MDGA2: variants seen among roughly 807,000 people sequenced by gnomAD.
The protein encoded by MDGA2 is MAM domain-containing glycosylphosphatidylinositol anchor protein 2.
In MDGA2, 40 loss-of-function variants were observed where a neutral mutation model predicts 117.8. The observed-to-expected ratio is 0.34, with a 90% CI of 0.26 to 0.44. The LOEUF is 0.44. Ranked by LOEUF, MDGA2 falls within the 20% of genes least tolerant of loss-of-function variation. The pLI is 1.00. For missense variants in MDGA2, 1,123 were observed against 1,250.6 expected (o/e 0.90, Z 1.54); for synonymous variants, 452 against 439.0 (o/e 1.03, Z -0.37).
At chr14:47,491,897 C>T (rs1253002211) in intron 1 of MDGA2, among the ~76,000 whole-genome samples, 1 of 152,002 alleles carries the variant, frequency 6.6e-6, no homozygotes, top group Non-Finnish European at 1.5e-5. Context: ...CATTTGACCA[C>T]AGTGTTGGGG....
intron 1 of MDGA2, among the ~76,000 whole-genome samples, chr14:47,318,810 G>GAAGGAAGGAAGGAAGC (rs138000463): frequency 0.47 from 70,739 of 149,776 alleles, 17,423 homozygotes; most frequent in Admixed American, 0.61. Flanking sequence ...AGGGAGGAAA[G>GAAGGAAGGAAGGAAGC]AAGGAAGGAA....
intron 1 of MDGA2, among the ~76,000 whole-genome samples, chr14:47,460,300 C>T (rs1566468152): frequency 6.6e-6 from 1 of 151,330 alleles, no homozygotes; most frequent in Non-Finnish European, 1.5e-5. Context: ...AACATGGATA[C>T]ACGAAGGAAA....
At chr14:47,630,248 A>G (rs1897231111) in intron 1 of MDGA2, among the ~76,000 whole-genome samples, 1 of 152,172 alleles carries the variant, frequency 6.6e-6, no homozygotes, top group Non-Finnish European at 1.5e-5. Flanking sequence ...ATATACCTCA[A>G]AAAGTTACAT....
chr14:46,864,795 C>T (rs946051186), intron 14 of MDGA2, among the ~76,000 whole-genome samples: 1 of 151,946 alleles, frequency 6.6e-6, no homozygotes, highest in South Asian at 2.1e-4. Context: ...GGTAGTTATT[C>T]CCTAATATCT....
At chr14:47,282,069 A>G (rs1432157609) in intron 2 of MDGA2, among the ~76,000 whole-genome samples, 1 of 149,204 alleles carries the variant, frequency 6.7e-6, no homozygotes, top group African/African-American at 2.5e-5. Flanking sequence ...AAAAAAAAAG[A>G]CACTTTCTTC....
Position 47,212,263 on chromosome 14 carries a change from G to C in MDGA2, c.595+5758C>G, listed in dbSNP as rs565329853. 9.2e-5 allele frequency among the ~76,000 whole-genome samples: 14 copies of C among 152,186 alleles called. No individual in the cohort carries two copies. In the South Asian group the frequency reaches 2.5e-3, roughly 27 times the overall value. ...TATTTGGTGTCGAATATAAAGGAAT[G>C]CCAATTCTTATGAATAAATAAAGTG... On this transcript the variant is annotated intron_variant, in intron 3 of 16. Coordinates refer to ENST00000399232, the MANE Select transcript of MDGA2 (RefSeq NM_001113498.3).
chr14:47,374,127 G>A (rs1203947871), intron 1 of MDGA2, among the ~76,000 whole-genome samples: 1 of 151,986 alleles, frequency 6.6e-6, no homozygotes, highest in Non-Finnish European at 1.5e-5. Context: ...TTGAAAATAG[G>A]TGTCAATAAT....
intron 16 of MDGA2, among the ~76,000 whole-genome samples, chr14:46,844,554 C>T (rs1042372469): frequency 2.0e-5 from 3 of 149,956 alleles, no homozygotes; most frequent in Non-Finnish European, 2.9e-5. Context: ...GCACTCCAGC[C>T]TGGGCAACAA....
intron 10 of MDGA2, among the ~76,000 whole-genome samples, chr14:46,905,470 T>C (rs986986240): frequency 6.6e-6 from 1 of 152,188 alleles, no homozygotes; most frequent in East Asian, 1.9e-4. Context: ...TCATACATAA[T>C]TGTTGATACC....
intron 2 of MDGA2, among the ~76,000 whole-genome samples, chr14:47,226,731 C>T (rs919126410): frequency 1.3e-5 from 2 of 151,992 alleles, no homozygotes; most frequent in Non-Finnish European, 2.9e-5. Context: ...TACTCTTGGG[C>T]CCCAAAACCA....
chr14:47,432,800 T>G (rs2138530321), intron 1 of MDGA2, among the ~76,000 whole-genome samples: 1 of 152,294 alleles, frequency 6.6e-6, no homozygotes. Flanking sequence ...GAAACTCTAG[T>G]TTGAAACAAT....
intron 1 of MDGA2, among the ~76,000 whole-genome samples, chr14:47,494,274 A>T (rs534477135): frequency 6.6e-6 from 1 of 152,330 alleles, no homozygotes; most frequent in Admixed American, 6.5e-5. Context: ...AACACATGAA[A>T]TTGAGTTTTA....
intron 1 of MDGA2, among the ~76,000 whole-genome samples, chr14:47,554,284 A>G (rs943704818): frequency 5.9e-5 from 9 of 152,176 alleles, no homozygotes. Flanking sequence ...ATGGATATGA[A>G]TTTTGCTGCT....
intron 1 of MDGA2, among the ~76,000 whole-genome samples, chr14:47,370,312 T>TA (rs5808391): frequency 1 from 144,124 of 144,820 alleles, 71,716 homozygotes; most frequent in South Asian, 1. Flanking sequence ...ATGCTTTGAA[T>TA]AAAAAAAAAA....
chr14:46,873,869 C>T (rs1245799607), intron 13 of MDGA2, 176 bp downstream of exon 13: 2 of 603,584 alleles, frequency 3.3e-6, no homozygotes, highest in Non-Finnish European at 5.1e-6. Flanking sequence ...TCAGTGAAGT[C>T]TGAGAAAAAA....
intron 3 of MDGA2, among the ~76,000 whole-genome samples, chr14:47,209,730 G>C (rs899295424): frequency 6.6e-6 from 1 of 152,120 alleles, no homozygotes. Flanking sequence ...TGATAAGCAA[G>C]TACTCTTCAT....
intron 1 of MDGA2, among the ~76,000 whole-genome samples, chr14:47,360,383 AAAT>A (rs1168329238): frequency 2.4e-4 from 36 of 149,566 alleles, no homozygotes; most frequent in African/African-American, 8.1e-4. Flanking sequence ...ATAAATAAAT[AAAT>A]AAATAAAATA....
chr14:47,355,111 A>G (rs987565060), intron 1 of MDGA2, among the ~76,000 whole-genome samples: 3 of 152,146 alleles, frequency 2.0e-5, no homozygotes, highest in Admixed American at 6.5e-5. Context: ...TGTGGGGAGC[A>G]TGCAGGGCTG....
intron 3 of MDGA2, among the ~76,000 whole-genome samples, chr14:47,148,799 T>C (rs1334084706): frequency 1.3e-5 from 2 of 152,152 alleles, no homozygotes; most frequent in Non-Finnish European, 2.9e-5. Context: ...GGTACAGAAA[T>C]TGGACAAGGA....
Sources: allele counts gnomAD v4.1 joint callset (sites outside exome capture counted in the v4.1 genomes callset), GRCh38; gene constraint gnomAD v4.1.1; transcripts MANE v1.5; gene names NCBI Gene and HGNC (gene_info 2026-07-23, HGNC 2026-07-21).